Variants in SYT17 observed in about 807,000 individuals in gnomAD.
SYT17 encodes synaptotagmin-17.
A neutral mutation model predicts 46.7 loss-of-function variants in SYT17; 22 were observed. The ratio of observed to expected loss-of-function variants is 0.47; its 90% CI spans 0.34 to 0.67. The LOEUF (loss-of-function observed/expected upper bound fraction) is 0.67, where lower values mean the gene tolerates loss of function less well. Ranked by LOEUF, SYT17 falls within the 30% of genes least tolerant of loss-of-function variation. The pLI, the probability that SYT17 is intolerant of heterozygous loss-of-function variation, is 0.01. For missense variants in SYT17, 519 were observed against 612.8 expected (o/e 0.85, Z 1.62); for synonymous variants, 251 against 248.4 (o/e 1.01, Z -0.10).
chr16:19,258,368 C>T (rs2239982), intron 7 of SYT17, among the ~76,000 whole-genome samples: 69,983 of 151,908 alleles, frequency 0.46, 16,773 homozygotes, highest in East Asian at 0.61. Context: ...AGGCCAGGCA[C>T]GGTGGCTCAC....
chr16:19,190,323 A>G (rs982527338), intron 5 of SYT17, among the ~76,000 whole-genome samples: 1 of 152,204 alleles, frequency 6.6e-6, no homozygotes, highest in Admixed American at 6.5e-5. Context: ...GTGAGCTGAT[A>G]TCGTGCCATT....
intron 7 of SYT17, among the ~76,000 whole-genome samples, chr16:19,245,793 G>A (rs957400741): frequency 7.9e-5 from 12 of 152,178 alleles, no homozygotes; most frequent in African/African-American, 1.4e-4. Context: ...GAGAGGGAGC[G>A]GGGAGCCCTC....
intron 7 of SYT17, among the ~76,000 whole-genome samples, chr16:19,240,469 A>G (rs1160474868): frequency 2.0e-5 from 3 of 151,906 alleles, no homozygotes; most frequent in Non-Finnish European, 2.9e-5. Flanking sequence ...GACAGCCTGT[A>G]GTCTACCCAT....
At chr16:19,252,493 A>T (rs1485919110) in intron 7 of SYT17, among the ~76,000 whole-genome samples, 1 of 20,342 alleles carries the variant, frequency 4.9e-5, no homozygotes, top group African/African-American at 2.9e-4. Context: ...ATATATATAT[A>T]CATATATATA....
At position 19,252,470 on chromosome 16, in the gene SYT17, CATATATATAT is replaced by C. The variant is rs1225454065; in HGVS notation, c.1229-14408_1229-14399del. On this transcript the variant is annotated intron_variant, in intron 7 of 7. Transcript: ENST00000355377. ...ATACACATATATACATATATATATA[CATATATATAT>C]ACATATATATATACATATATATATA... is the stretch of plus-strand genomic sequence containing the variant. 8.0e-4 allele frequency among the ~76,000 whole-genome samples: 3 copies of C among 3,750 alleles called. 1 individual carries two copies. Among genetic ancestry groups the C allele is most frequent in the Non-Finnish European group, 1.2e-3 (3 of 2,532 alleles). The allele number at this position is 3,750 out of a possible 152,430, so 2.5% of individuals were successfully genotyped here. A position where few individuals can be genotyped will look rare whatever the true frequency, so the allele number is the denominator to read the frequency against.
chr16:19,201,119 A>T (rs998831181), intron 5 of SYT17, among the ~76,000 whole-genome samples: 5 of 152,126 alleles, frequency 3.3e-5, no homozygotes, highest in African/African-American at 9.7e-5. Flanking sequence ...AGTCCAGGGG[A>T]CCACAGCACC....
Position 19,184,018 on chromosome 16 carries a change from G to C in SYT17, c.822G>C (p.Leu274=), listed in dbSNP as rs75241864. 6.2e-7 allele frequency: 1 copy of C among 1,614,078 alleles called. No homozygotes were observed. Residue 274 remains leucine, a synonymous_variant, in exon 5 of 8, where the codon CTG becomes CTC. Coordinates refer to ENST00000355377, the MANE Select transcript of SYT17 (RefSeq NM_016524.4). The part of the protein sequence containing the change: ...IPFLEAQRRT[L]LLTVVDFDKF... The stretch of plus-strand genomic sequence containing the variant: ...TCCTGGAGGCCCAGAGGAGGACCCT[G>C]CTCCTGACCGTGGTGGATTTTGATA...
chr16:19,185,929 CAA>C lies in SYT17; in HGVS notation c.951+1783_951+1784del, dbSNP rs201126273. 7.2e-3 allele frequency among the ~76,000 whole-genome samples: 1,093 copies of C among 152,322 alleles called. 10 individuals are homozygous for C. Among genetic ancestry groups the C allele is most frequent in the African/African-American group, 0.025 (1,049 of 41,554 alleles). On this transcript the variant is annotated intron_variant, in intron 5 of 7. Coordinates refer to ENST00000355377, the MANE Select transcript of SYT17 (RefSeq NM_016524.4). ...CCTGGTGAATATCTAATTGGGCAGA[CAA>C]GAGGCGGGGAGTGTTCCCGTTCACT...
At chr16:19,234,814 T>C (rs8054636) in intron 7 of SYT17, among the ~76,000 whole-genome samples, 71,465 of 152,088 alleles carry the variant, frequency 0.47, 18,478 homozygotes, top group East Asian at 0.77. Context: ...GTTTTAATCA[T>C]TGCAGTCTGT....
chr16:19,227,323 G>A lies in SYT17; in HGVS notation c.1228+2485G>A, dbSNP rs1321810491. On this transcript the variant is annotated intron_variant, in intron 7 of 7. Coordinates refer to ENST00000355377, the MANE Select transcript of SYT17 (RefSeq NM_016524.4). The stretch of plus-strand genomic sequence containing the variant: ...TTCTTGCTGTGTAATCCTTCTCCCC[G>A]CTTTTTTTTTTTTGAGACAATCTCA... Among the ~76,000 whole-genome samples, 3 of 68,208 alleles carry A rather than the reference G, an allele frequency of 4.4e-5. 1 individual carries two copies. Among genetic ancestry groups the A allele is most frequent in the Admixed American group, 1.5e-4 (1 of 6,762 alleles). 44.7% of individuals were successfully genotyped at this position (68,208 alleles called of 152,430 possible).
chr16:19,178,231 C>T (rs927024080), intron 3 of SYT17, among the ~76,000 whole-genome samples: 13 of 148,710 alleles, frequency 8.7e-5, no homozygotes, highest in East Asian at 1.9e-4. Context: ...TACAGGCGTC[C>T]GCCACCACGC....
chr16:19,211,728 G>T (rs930425007), intron 5 of SYT17, among the ~76,000 whole-genome samples: 3 of 151,904 alleles, frequency 2.0e-5, no homozygotes, highest in Non-Finnish European at 4.4e-5. Flanking sequence ...CGGGTTCACG[G>T]CATTCCCCTG....
At position 19,223,087 on chromosome 16, in the gene SYT17, C is replaced by T. The variant is rs1368758310; in HGVS notation, c.994C>T (p.Leu332Phe). The change falls in exon 6 of 8, where the codon CTC (leucine) becomes TTC (phenylalanine). Residue 332 changes from leucine to phenylalanine, a missense_variant. Coordinates refer to ENST00000355377, the MANE Select transcript of SYT17 (RefSeq NM_016524.4). ...GGAGCTGCTTCTGTCACTGAATTAT[C>T]TCCCAAGTGCTGGCAGACTGAATGT... ...LGELLLSLNY[L>F]PSAGRLNVDV... 1 of 1,614,030 alleles carries T rather than the reference C, an allele frequency of 6.2e-7. No homozygotes were observed. Among genetic ancestry groups the T allele is most frequent in the Non-Finnish European group, 8.5e-7 (1 of 1,179,962 alleles).
At chr16:19,211,862 G>A (rs542793518) in intron 5 of SYT17, among the ~76,000 whole-genome samples, 21 of 152,090 alleles carry the variant, frequency 1.4e-4, no homozygotes, top group Admixed American at 1.3e-4. Context: ...TCCTGACCTC[G>A]TGATCCGCCC....
At chr16:19,226,972 G>T (rs986808724) in intron 7 of SYT17, among the ~76,000 whole-genome samples, 1 of 152,156 alleles carries the variant, frequency 6.6e-6, no homozygotes, top group African/African-American at 2.4e-5. Flanking sequence ...GAGAACAGGG[G>T]TTATGTGCCT....
At chr16:19,250,359 T>TTGTGTGTGTGTGTGTGTGTGTGTGTGTG (rs55818940) in intron 7 of SYT17, among the ~76,000 whole-genome samples, 1 of 132,468 alleles carries the variant, frequency 7.5e-6, no homozygotes, top group Non-Finnish European at 1.6e-5. Flanking sequence ...TCAAACATGT[T>TTGTGTGTGTGTGTGTGTGTGTGTGTGTG]TGTGTGTGTG....
chr16:19,175,645 CAAAAAAAAAAAAAA>C (rs34788366), intron 3 of SYT17, among the ~76,000 whole-genome samples: 1 of 67,778 alleles, frequency 1.5e-5, no homozygotes, highest in Non-Finnish European at 2.9e-5. Context: ...AGCAAGACTT[CAAAAAAAAAAAAAA>C]AAAAAAAAGG....
chr16:19,185,918 A>G (rs1386033743), intron 5 of SYT17, among the ~76,000 whole-genome samples: 2 of 152,156 alleles, frequency 1.3e-5, no homozygotes, highest in Non-Finnish European at 2.9e-5. Context: ...GTGAATATCT[A>G]ATTGGGCAGA....
Position 19,212,479 on chromosome 16 carries a change from G to A in SYT17, c.952-10566G>A, listed in dbSNP as rs1965942703. ...CTACTAAAAATACAAAAATTAGCTG[G>A]GCATGGGGGCTCATGCCTGTAATCT... On this transcript the variant is annotated intron_variant, in intron 5 of 7. Transcript: ENST00000355377. Among the ~76,000 whole-genome samples, 3 of 152,048 alleles carry A rather than the reference G, an allele frequency of 2.0e-5. 1 individual carries two copies. Among genetic ancestry groups the A allele is most frequent in the South Asian group, 4.1e-4 (2 of 4,828 alleles).
Sources: allele counts gnomAD v4.1 joint callset (sites outside exome capture counted in the v4.1 genomes callset), GRCh38; gene constraint gnomAD v4.1.1; transcripts MANE v1.5; gene names NCBI Gene and HGNC (gene_info 2026-07-23, HGNC 2026-07-21).